KLHL13: variants seen among roughly 807,000 people sequenced by gnomAD.
The protein encoded by KLHL13 is kelch-like protein 13.
A neutral mutation model predicts 37.1 loss-of-function variants in KLHL13; 10 were observed. The observed-to-expected ratio is 0.27, with a 90% CI of 0.17 to 0.46. The LOEUF (loss-of-function observed/expected upper bound fraction) is 0.46. KLHL13 is among the 20% of genes least tolerant of loss of function. The pLI is 1.00. For synonymous variants in KLHL13, 163 were observed against 181.2 expected, an observed-to-expected ratio of 0.90 and a Z score of 0.81; for missense variants, 360 against 509.3, an observed-to-expected ratio of 0.71 and a Z score of 2.82.
intron 1 of KLHL13, among the ~76,000 whole-genome samples, chrX:118,012,712 C>T (rs2054084392): frequency 9.1e-6 from 1 of 110,149 alleles, no homozygotes; most frequent in South Asian, 3.9e-4. Context: ...ATTCTGTCTA[C>T]TGCTGGTAGT....
intron 1 of KLHL13, among the ~76,000 whole-genome samples, chrX:118,052,663 T>TA (rs371970376): frequency 3.5e-4 from 35 of 101,262 alleles, no homozygotes; most frequent in East Asian, 1.5e-3. Flanking sequence ...CCGTCTCTAC[T>TA]AAAAAAAAAA....
At chrX:117,987,128 T>C (rs2053736187) in intron 1 of KLHL13, among the ~76,000 whole-genome samples, 3 of 111,469 alleles carry the variant, frequency 2.7e-5, no homozygotes, top group Non-Finnish European at 5.7e-5. Context: ...GTTCAAAAAT[T>C]CCAGGGAATC....
intron 1 of KLHL13, among the ~76,000 whole-genome samples, chrX:117,953,105 C>T (rs764770794): frequency 3.2e-4 from 35 of 110,137 alleles, no homozygotes; most frequent in African/African-American, 5.6e-4. Context: ...CACATGCACA[C>T]GTATGTTTAT....
upstream of KLHL13, among the ~76,000 whole-genome samples, chrX:117,978,250 T>C (rs2053616070): frequency 8.9e-6 from 1 of 112,255 alleles, no homozygotes; most frequent in Non-Finnish European, 1.9e-5. Context: ...ACAAACAATG[T>C]TATGCAGGCA....
chrX:117,994,783 A>G (rs1191416480), intron 1 of KLHL13, among the ~76,000 whole-genome samples: 2 of 112,568 alleles, frequency 1.8e-5, no homozygotes, highest in African/African-American at 3.2e-5. Context: ...TGTTCTCACT[A>G]AAAATTGGCC....
intron 1 of KLHL13, among the ~76,000 whole-genome samples, chrX:118,000,867 G>A (rs889748842): frequency 6.3e-5 from 7 of 111,671 alleles, no homozygotes; most frequent in African/African-American, 2.3e-4. Flanking sequence ...GGGCTGTTAT[G>A]TAATATAGGA....
chrX:118,020,174 A>G (rs1233097347), intron 1 of KLHL13, among the ~76,000 whole-genome samples: 1 of 107,990 alleles, frequency 9.3e-6, no homozygotes, highest in Non-Finnish European at 1.9e-5. Flanking sequence ...TTCCTTGAGC[A>G]GTGGTTTGTA....
chrX:117,993,878 A>G (rs1383596081), intron 1 of KLHL13, among the ~76,000 whole-genome samples: 1 of 109,769 alleles, frequency 9.1e-6, no homozygotes, highest in Non-Finnish European at 1.9e-5. Flanking sequence ...CTGGGATTAC[A>G]GGCATGTGCC....
intron 1 of KLHL13, among the ~76,000 whole-genome samples, chrX:117,968,530 G>A (rs1364091226): frequency 3.6e-5 from 4 of 111,608 alleles, no homozygotes; most frequent in Non-Finnish European, 7.5e-5. Context: ...TTTATCTTAG[G>A]TGTTAGTTGT....
chrX:117,941,074 G>C (rs1933001446), intron 2 of KLHL13, among the ~76,000 whole-genome samples: 1 of 111,834 alleles, frequency 8.9e-6, no homozygotes, highest in Non-Finnish European at 1.9e-5. Flanking sequence ...AATATTGGCT[G>C]TGGGTTTGTC....
intron 1 of KLHL13, among the ~76,000 whole-genome samples, chrX:118,110,816 T>C (rs1422375601): frequency 8.9e-6 from 1 of 111,775 alleles, no homozygotes; most frequent in East Asian, 2.8e-4. Context: ...AAGACTCTCT[T>C]GTGCTAAAGA....
intron 1 of KLHL13, among the ~76,000 whole-genome samples, chrX:118,013,695 A>C (rs1462217928): frequency 8.9e-6 from 1 of 112,224 alleles, no homozygotes. Context: ...GATAAATTAT[A>C]ACAGATATGG....
At chrX:118,077,344 C>T (rs1051994157) in intron 1 of KLHL13, among the ~76,000 whole-genome samples, 4 of 109,869 alleles carry the variant, frequency 3.6e-5, no homozygotes, top group African/African-American at 6.6e-5. Flanking sequence ...TGAATGAGGA[C>T]GTTTGGGGCT....
intron 1 of KLHL13, among the ~76,000 whole-genome samples, chrX:118,041,690 T>C (rs762802451): frequency 8.9e-6 from 1 of 111,959 alleles, no homozygotes; most frequent in East Asian, 2.8e-4. Context: ...TATAAGATAT[T>C]ATTTGAAAGT....
At chrX:117,902,605 T>C (rs1056535591) in intron 5 of KLHL13, among the ~76,000 whole-genome samples, 7 of 111,912 alleles carry the variant, frequency 6.3e-5, no homozygotes, top group African/African-American at 2.3e-4. Context: ...CTGTCAGTAA[T>C]GTATTTATCA....
intron 1 of KLHL13, among the ~76,000 whole-genome samples, chrX:117,970,973 A>G (rs2053513758): frequency 8.9e-6 from 1 of 111,911 alleles, no homozygotes; most frequent in South Asian, 3.7e-4. Context: ...AACAGTCAAC[A>G]TGCAAGATCT....
At chrX:118,022,215 G>A (rs2054224815) in intron 1 of KLHL13, among the ~76,000 whole-genome samples, 1 of 112,011 alleles carries the variant, frequency 8.9e-6, no homozygotes, top group Non-Finnish European at 1.9e-5. Context: ...CCATTTGTGT[G>A]TGTGTGTCAC....
upstream of KLHL13, chrX:118,116,865 T>TGGG (rs764710116): frequency 7.7e-5 from 1 of 12,951 alleles, no homozygotes; most frequent in Non-Finnish European, 2.4e-4. Flanking sequence ...GAGGGGGCAG[T>TGGG]GGGGGGGGGA....
intron 1 of KLHL13, among the ~76,000 whole-genome samples, chrX:118,094,023 C>T (rs944191837): frequency 1.8e-5 from 2 of 109,470 alleles, no homozygotes; most frequent in Admixed American, 2.0e-4. Context: ...CAAAGCTGGA[C>T]AGAGAATGAC....
Sources: allele counts gnomAD v4.1 joint callset (sites outside exome capture counted in the v4.1 genomes callset), GRCh38; gene constraint gnomAD v4.1.1; transcripts MANE v1.5; gene names NCBI Gene and HGNC (gene_info 2026-07-23, HGNC 2026-07-21).